The following CACNA1A variants were observed in gnomAD, a reference collection of about 807,000 sequenced individuals.
The protein encoded by CACNA1A is calcium voltage-gated channel subunit alpha1 A, also known as voltage-dependent P/Q-type calcium channel subunit alpha-1A.
A neutral mutation model predicts 262.4 loss-of-function variants in CACNA1A; 57 were observed. That is an observed-to-expected ratio of 0.22 (90% CI 0.18 to 0.27). The LOEUF is 0.27. Among genes scored for constraint, CACNA1A ranks in the 10% least tolerant of loss-of-function variants. The pLI is 1.00. For missense variants in CACNA1A, 2,526 were observed against 3,562.8 expected, an observed-to-expected ratio of 0.71 and a Z score of 7.41; for synonymous variants, 1,431 against 1,419.3, an observed-to-expected ratio of 1.01 and a Z score of -0.18.
chr19:13,365,586 G>T, intron 4 of CACNA1A, 117 bp from the exon 5 acceptor site: 1 of 798,510 alleles, frequency 1.3e-6, no homozygotes, highest in Non-Finnish European at 2.0e-6. Flanking sequence ...GGAACATTAA[G>T]CACCCAGGAG....
chr19:13,391,431 T>C (rs1050069901), intron 3 of CACNA1A, among the ~76,000 whole-genome samples: 2 of 152,156 alleles, frequency 1.3e-5, no homozygotes, highest in South Asian at 2.1e-4. Flanking sequence ...AAGTAAAGGA[T>C]TGAACAAAAG....
intron 36 of CACNA1A, chr19:13,229,858 T>C (rs540016385): frequency 1.4e-5 from 6 of 440,852 alleles, no homozygotes; most frequent in Non-Finnish European, 2.4e-5. Context: ...CCCTCCCTCA[T>C]TTCCCAGAAA....
intron 24 of CACNA1A, chr19:13,275,402 G>A (rs1026768551): frequency 6.1e-5 from 11 of 180,574 alleles, no homozygotes; most frequent in Admixed American, 5.0e-4. Context: ...CACAAAGGGA[G>A]TCACCAGGTC....
chr19:13,233,032 A>T (rs1487246202), intron 34 of CACNA1A, among the ~76,000 whole-genome samples: 1 of 151,378 alleles, frequency 6.6e-6, no homozygotes, highest in African/African-American at 2.4e-5. Context: ...CTGGGCAACA[A>T]GACCGAAACT....
chr19:13,222,095 C>T lies in CACNA1A; in HGVS notation c.5731+2572G>A, dbSNP rs898351119. Among the ~76,000 whole-genome samples the T allele has an allele frequency of 2.0e-5, 3 of 151,862 alleles. No homozygotes were observed. In the South Asian group the frequency reaches 6.2e-4, roughly 32 times the overall value. ...CTAATTTTTGTATTTTTAGTAGAGACAGGGTTTTGCCATGTTGACCAGGCT... is the reference window on the plus strand; with the variant it reads ...CTAATTTTTGTATTTTTAGTAGAGATAGGGTTTTGCCATGTTGACCAGGCT... On this transcript the variant is annotated intron_variant, in intron 38 of 46. Transcript: ENST00000360228.
chr19:13,454,382 CCCA>C (rs1489522898), intron 2 of CACNA1A, among the ~76,000 whole-genome samples: 1 of 151,454 alleles, frequency 6.6e-6, no homozygotes, highest in African/African-American at 2.4e-5. Flanking sequence ...TCGCCTCCCC[CCCA>C]CCAAGATGGA....
intron 20 of CACNA1A, among the ~76,000 whole-genome samples, chr19:13,286,171 C>T (rs755288735): frequency 3.3e-5 from 5 of 151,916 alleles, no homozygotes; most frequent in Admixed American, 6.6e-5. Flanking sequence ...AGTGCTGGGC[C>T]GAGAGAATCA....
chr19:13,440,638 T>C (rs1366659454), intron 3 of CACNA1A, among the ~76,000 whole-genome samples: 3 of 152,204 alleles, frequency 2.0e-5, no homozygotes, highest in Non-Finnish European at 4.4e-5. Context: ...GGTGCAATTA[T>C]TATTCCCATT....
At chr19:13,496,183 T>C (rs1240588193) in intron 1 of CACNA1A, among the ~76,000 whole-genome samples, 1 of 152,216 alleles carries the variant, frequency 6.6e-6, no homozygotes, top group Admixed American at 6.5e-5. Flanking sequence ...GACTGCGTTG[T>C]GATCAGAAAC....
At chr19:13,503,228 A>G (rs1446419611) in intron 1 of CACNA1A, among the ~76,000 whole-genome samples, 1 of 152,180 alleles carries the variant, frequency 6.6e-6, no homozygotes, top group Non-Finnish European at 1.5e-5. Context: ...TTACATGTTT[A>G]AAAGAGGCAA....
At chr19:13,227,373 A>T in intron 37 of CACNA1A, 58 bp downstream of exon 37, 1 of 760,038 alleles carries the variant, frequency 1.3e-6, no homozygotes, top group Non-Finnish European at 2.2e-6. Flanking sequence ...AAAAAAGAAG[A>T]AGAAGAAGAA....
chr19:13,303,920 CT>C (rs2057844067), intron 15 of CACNA1A, 36 bp from the exon 16 acceptor site: 1 of 1,440,194 alleles, frequency 6.9e-7, no homozygotes, highest in South Asian at 1.2e-5. Context: ...GCCAACCCCC[CT>C]CTCAGCCACG....
At chr19:13,282,615 CT>C (rs1300836519) in intron 22 of CACNA1A, among the ~76,000 whole-genome samples, 1 of 151,836 alleles carries the variant, frequency 6.6e-6, no homozygotes, top group Non-Finnish European at 1.5e-5. Flanking sequence ...CTGTGTGACC[CT>C]GGACAGGCCA....
rs201789073 is a variant in CACNA1A, at chr19:13,286,526, G to T, written c.3530C>A (p.Pro1177His). Reference sequence around the variant, plus strand: ...ACCTTGTACGACGGTGTGGTTGAGGGGGGGTGGGCAGGCTGGGGGGATGTC... The same window carrying T: ...ACCTTGTACGACGGTGTGGTTGAGGTGGGGTGGGCAGGCTGGGGGGATGTC... ...TVDIPPACPP[P>H]LNHTVVQVNK... Residue 1177 changes from proline to histidine, a missense_variant, in exon 20 of 47, where the codon CCC (proline) becomes CAC (histidine). Physicochemically the swap from Pro to His is moderately conservative, Grantham distance 77 (BLOSUM62 -2). Coordinates refer to ENST00000360228, the MANE Select transcript of CACNA1A (RefSeq NM_001127222.2). 3.3e-6 allele frequency: 5 copies of T among 1,494,854 alleles called. No individual in the cohort carries two copies. The highest frequency in any genetic ancestry group is 2.8e-5 in the African/African-American group (2 of 71,252). 92.6% of individuals were successfully genotyped at this position (1,494,854 alleles called of 1,614,324 possible).
chr19:13,472,339 TTA>T (rs1978286974), intron 1 of CACNA1A, among the ~76,000 whole-genome samples: 1 of 151,828 alleles, frequency 6.6e-6, no homozygotes, highest in Non-Finnish European at 1.5e-5. Context: ...ATATGTAATA[TTA>T]TATGTTTGTA....
chr19:13,214,212 C>A lies in CACNA1A; in HGVS notation c.5940+21G>T, dbSNP rs757929335. ...GCCACTGTCCCCAGCCCAGATGTCC[C>A]CAGAGCGGCGAACAGCGCACCTGCT... On this transcript the variant is annotated intron_variant, in intron 40 of 46. Coordinates refer to ENST00000360228, the MANE Select transcript of CACNA1A (RefSeq NM_001127222.2). The surrounding 1 kb of genome is among the most constrained non-coding windows in gnomAD (Gnocchi z 4.1). 1.3e-6 allele frequency: 2 copies of A among 1,589,584 alleles called. No individual in the cohort carries two copies. Among genetic ancestry groups the A allele is most frequent in the African/African-American group, 1.3e-5 (1 of 74,700 alleles).
At chr19:13,467,971 AGTGT>A (rs57410716) in intron 1 of CACNA1A, among the ~76,000 whole-genome samples, 20 of 150,064 alleles carry the variant, frequency 1.3e-4, no homozygotes, top group African/African-American at 4.2e-4. Context: ...GAGATGAGTG[AGTGT>A]GTGTGTGTGT....
At chr19:13,458,110 TG>T (rs1162647725) in intron 1 of CACNA1A, among the ~76,000 whole-genome samples, 2 of 152,102 alleles carry the variant, frequency 1.3e-5, no homozygotes, top group Non-Finnish European at 2.9e-5. Flanking sequence ...ACATTGTGAG[TG>T]TACTAAACGC....
At chr19:13,324,523 A>T (rs1422736581) in intron 10 of CACNA1A, among the ~76,000 whole-genome samples, 1 of 152,178 alleles carries the variant, frequency 6.6e-6, no homozygotes, top group African/African-American at 2.4e-5. Flanking sequence ...TATGATGTAT[A>T]CATAGATTAA....
Sources: allele counts gnomAD v4.1 joint callset (sites outside exome capture counted in the v4.1 genomes callset), GRCh38; gene constraint gnomAD v4.1.1; non-coding constraint Gnocchi (gnomAD v3.1); transcripts MANE v1.5; gene names NCBI Gene and HGNC (gene_info 2026-07-23, HGNC 2026-07-21).